The following HIF1AN variants were observed in gnomAD, a reference collection of about 807,000 sequenced individuals.
HIF1AN encodes the protein hypoxia inducible factor 1 subunit alpha inhibitor, also known as hypoxia-inducible factor 1-alpha inhibitor.
In HIF1AN, 21 loss-of-function variants were observed where a neutral mutation model predicts 47.7. That is an observed-to-expected ratio of 0.44 (90% CI 0.31 to 0.63). The LOEUF is 0.63. HIF1AN is among the 30% of genes least tolerant of loss of function. The pLI, the probability that HIF1AN is intolerant of heterozygous loss-of-function variation, is 0.07. For synonymous variants in HIF1AN, 152 were observed against 155.9 expected, an observed-to-expected ratio of 0.98 and a Z score of 0.18; for missense variants, 320 against 432.7, an observed-to-expected ratio of 0.74 and a Z score of 2.31.
intron 3 of HIF1AN, among the ~76,000 whole-genome samples, chr10:100,544,644 A>C (rs961053000): frequency 2.6e-5 from 4 of 152,174 alleles, no homozygotes; most frequent in Non-Finnish European, 5.9e-5. Flanking sequence ...TGATTACCCT[A>C]CCTGATTTTT....
intron 4 of HIF1AN, chr10:100,545,522 G>T (rs993395425): frequency 4.9e-6 from 1 of 204,536 alleles, no homozygotes; most frequent in African/African-American, 2.3e-5. Context: ...AATGAGGTAT[G>T]TGGTTAACTG....
intron 7 of HIF1AN, among the ~76,000 whole-genome samples, chr10:100,547,516 C>G (rs1212305231): frequency 6.6e-6 from 1 of 152,234 alleles, no homozygotes; most frequent in Non-Finnish European, 1.5e-5. Context: ...TCTTCTGGAA[C>G]AGGAAGCGAG....
chr10:100,547,392 C>A, intron 7 of HIF1AN, 142 bp downstream of exon 7: 2 of 593,928 alleles, frequency 3.4e-6, no homozygotes, highest in Non-Finnish European at 6.0e-6. Context: ...CAGAAAAATT[C>A]TTGTTTTCTG....
Position 100,557,038 on chromosome 10 carries a change from T to TA in HIF1AN, c.*8904dup, listed in dbSNP as rs1843220087. ...GGCAGGAAAAGCAAGATGGAAAAGA[T>TA]AAAGTTGTGGAAGGGACTGAAAGTC... On this transcript the variant is annotated 3_prime_UTR_variant, in exon 8 of 8. Coordinates refer to ENST00000299163, the MANE Select transcript of HIF1AN (RefSeq NM_017902.3). 6.6e-6 allele frequency: 1 copy of TA among 152,052 alleles called. No individual in the cohort carries two copies. The highest frequency in any genetic ancestry group is 2.1e-4 in the South Asian group (1 of 4,810). The allele number at this position is 152,052 out of a possible 1,614,324, so 9.4% of individuals were successfully genotyped here.
In HIF1AN at chr10:100,536,518, C is replaced by G. The variant is rs1399927275; in HGVS notation, c.285C>G (p.Ala95=). The G allele has an allele frequency of 6.2e-6, 10 of 1,614,146 alleles. No homozygotes were observed. Among genetic ancestry groups the G allele is most frequent in the Non-Finnish European group, 8.5e-6 (10 of 1,180,044 alleles). ...ATGGAGACTTCTCTGTGTACAGTGC[C>G]AGCACCCACAAGTTCTTGTACTATG... ...IGNGDFSVYS[A]STHKFLYYDE... is the part of the protein sequence containing the mutation. Residue 95 remains alanine (A), a synonymous_variant, in exon 2 of 8, where the codon GCC becomes GCG. Transcript: ENST00000299163.
rs553403203 is a variant in HIF1AN, at chr10:100,551,296, G to A, written c.*3159G>A. The A allele has an allele frequency of 1.3e-5, 2 of 152,208 alleles. No individual in the cohort carries two copies. Among genetic ancestry groups the A allele is most frequent in the Non-Finnish European group, 2.9e-5 (2 of 68,036 alleles). The allele number at this position is 152,208 out of a possible 1,614,324, so 9.4% of individuals were successfully genotyped here. ...ATTTGCGTAATGGTTTCTGTCACTG[G>A]TGATTAGACACAGGATGAAGGAAAA... is the stretch of plus-strand genomic sequence containing the variant. On this transcript the variant is annotated 3_prime_UTR_variant, in exon 8 of 8. Coordinates refer to ENST00000299163, the MANE Select transcript of HIF1AN (RefSeq NM_017902.3).
rs1843018523 is a variant in HIF1AN, at chr10:100,540,741, G to A, written c.536G>A (p.Trp179Ter). 1.2e-6 allele frequency: 2 copies of A among 1,613,324 alleles called. No individual in the cohort carries two copies. The highest frequency in any genetic ancestry group is 1.7e-5 in the Admixed American group (1 of 59,804). ...AATAAGCAACAGGGAAAGCGTGGCT[G>A]GGGGCAGCTTACCTCTAACCTGCTG... ...WINKQQGKRG[W>*]GQLTSNLLLI... is the part of the protein sequence containing the mutation. Residue 179 changes from tryptophan to a stop codon, truncating the protein, a stop_gained, in exon 3 of 8, where the codon TGG becomes TAG. Coordinates refer to ENST00000299163, the MANE Select transcript of HIF1AN (RefSeq NM_017902.3). LOFTEE classifies it high-confidence loss of function.
chr10:100,543,467 C>T (rs1311040558), intron 3 of HIF1AN, among the ~76,000 whole-genome samples: 1 of 152,112 alleles, frequency 6.6e-6, no homozygotes, highest in African/African-American at 2.4e-5. Flanking sequence ...CTCACCTTGG[C>T]CCCCTAAAGT....
intron 5 of HIF1AN, among the ~76,000 whole-genome samples, 190 bp from the exon 6 acceptor site, chr10:100,546,328 A>ACAC (rs1259243526): frequency 6.6e-6 from 1 of 152,162 alleles, no homozygotes; most frequent in Non-Finnish European, 1.5e-5. Context: ...TCGAGACTGA[A>ACAC]CACCAGTACC....
At chr10:100,546,422 GT>G in intron 5 of HIF1AN, 95 bp from the exon 6 acceptor site, 2 of 885,590 alleles carry the variant, frequency 2.3e-6, no homozygotes. Flanking sequence ...ACTCCACCTA[GT>G]TTTTCAGCCC....
At chr10:100,548,037 C>G in intron 7 of HIF1AN, 56 bp from the exon 8 acceptor site, 1 of 1,556,092 alleles carries the variant, frequency 6.4e-7, no homozygotes, top group Non-Finnish European at 8.9e-7. Context: ...ACACCCTGTC[C>G]AATTCCAGGG....
intron 3 of HIF1AN, among the ~76,000 whole-genome samples, chr10:100,543,809 T>C (rs1843068928): frequency 6.6e-6 from 1 of 152,194 alleles, no homozygotes; most frequent in Admixed American, 6.5e-5. Flanking sequence ...CCTGACCTCA[T>C]GATCCCCCGC....
intron 2 of HIF1AN, among the ~76,000 whole-genome samples, chr10:100,537,182 CA>C (rs1444803343): frequency 6.6e-6 from 1 of 152,066 alleles, no homozygotes; most frequent in Non-Finnish European, 1.5e-5. Context: ...AAAACTAAAA[CA>C]AAAAACCATG....
chr10:100,544,049 A>G (rs1843071498), intron 3 of HIF1AN, among the ~76,000 whole-genome samples: 1 of 152,206 alleles, frequency 6.6e-6, no homozygotes, highest in Non-Finnish European at 1.5e-5. Context: ...GATTGTCTAA[A>G]TTCCATGCCC....
In HIF1AN at chr10:100,536,646, G is replaced by A. The variant is rs1288102475; in HGVS notation, c.413G>A (p.Arg138Gln). Reference sequence around the variant, plus strand: ...GAGAAACTGCAGGATATACAGCAGCGAGGAGGGGAAGAGAGGTAAATTCCG... The same window carrying A: ...GAGAAACTGCAGGATATACAGCAGCAAGGAGGGGAAGAGAGGTAAATTCCG... ...FVEKLQDIQQ[R>Q]GGEERLYLQQ... Residue 138 changes from arginine to glutamine, a missense_variant, in exon 2 of 8, where the codon CGA (arginine) becomes CAA (glutamine). Arg to Gln is a conservative substitution (Grantham distance 43). Transcript: ENST00000299163. The A allele has an allele frequency of 6.8e-6, 11 of 1,614,008 alleles. No homozygotes were observed. The highest frequency in any genetic ancestry group is 3.3e-5 in the Admixed American group (2 of 60,000).
At chr10:100,541,141 C>T (rs888066677) in intron 3 of HIF1AN, among the ~76,000 whole-genome samples, 1 of 152,164 alleles carries the variant, frequency 6.6e-6, no homozygotes, top group African/African-American at 2.4e-5. Context: ...ATTGCTTGAA[C>T]CCAGGCGGTG....
intron 3 of HIF1AN, among the ~76,000 whole-genome samples, chr10:100,544,439 G>A (rs762755867): frequency 6.6e-6 from 1 of 152,216 alleles, no homozygotes; most frequent in African/African-American, 2.4e-5. Flanking sequence ...CATTCGTTAG[G>A]TGTATTGAAG....
intron 3 of HIF1AN, among the ~76,000 whole-genome samples, chr10:100,543,520 C>T (rs1361134781): frequency 6.6e-6 from 1 of 152,036 alleles, no homozygotes; most frequent in Non-Finnish European, 1.5e-5. Context: ...GTCTTACCTG[C>T]CCCTTTGAAA....
At position 100,536,330 on chromosome 10, in the gene HIF1AN, G is replaced by A. The variant is rs553304752; in HGVS notation, c.178-81G>A. The A allele has an allele frequency of 6.8e-5, 103 of 1,508,134 alleles. 1 individual carries two copies. The East Asian group carries it at 2.3e-3, about 34-fold the overall frequency. 93.4% of individuals were successfully genotyped at this position (1,508,134 alleles called of 1,614,324 possible). A position where few individuals can be genotyped will look rare whatever the true frequency, so the allele number is the denominator to read the frequency against. The stretch of plus-strand genomic sequence containing the variant: ...GGAGAAATTATTCTGAAGTTGAGAA[G>A]TAGTTGGGATCATGGAGGCCAACCC... On this transcript the variant is annotated intron_variant, in intron 1 of 7. Coordinates refer to ENST00000299163, the MANE Select transcript of HIF1AN (RefSeq NM_017902.3).
Sources: allele counts gnomAD v4.1 joint callset (sites outside exome capture counted in the v4.1 genomes callset), GRCh38; gene constraint gnomAD v4.1.1; transcripts MANE v1.5; gene names NCBI Gene and HGNC (gene_info 2026-07-23, HGNC 2026-07-21).